GON4L: variants seen among roughly 807,000 people sequenced by gnomAD.
GON4L encodes GON-4-like protein.
A neutral mutation model predicts 211.8 loss-of-function variants in GON4L; 87 were observed. That is an observed-to-expected ratio of 0.41 (90% CI 0.35 to 0.49). GON4L has a LOEUF of 0.49. Ranked by LOEUF, GON4L falls within the 20% of genes least tolerant of loss-of-function variation. The pLI, the probability that GON4L is intolerant of heterozygous loss-of-function variation, is 0.15. For synonymous variants in GON4L, 875 were observed against 962.6 expected (o/e 0.91, Z 1.68); for missense variants, 2,155 against 2,659.5 (o/e 0.81, Z 4.17).
chr1:155,816,036 A>T (rs1668209811), intron 7 of GON4L, 136 bp from the exon 8 acceptor site: 1 of 716,634 alleles, frequency 1.4e-6, no homozygotes, highest in African/African-American at 1.8e-5. Flanking sequence ...AAATAACACG[A>T]GGCAGAGGTT....
chr1:155,843,951 C>T (rs933802044), intron 2 of GON4L, among the ~76,000 whole-genome samples: 4 of 152,170 alleles, frequency 2.6e-5, no homozygotes, highest in Non-Finnish European at 4.4e-5. Context: ...ACCATTTATT[C>T]TTCTAGGAAT....
chr1:155,769,846 G>C (rs532300819), intron 19 of GON4L, among the ~76,000 whole-genome samples: 1 of 151,884 alleles, frequency 6.6e-6, no homozygotes, highest in African/African-American at 2.4e-5. Flanking sequence ...GTTTGTGGTG[G>C]GAGTAAGGGA....
chr1:155,826,887 AAC>A lies in GON4L; in HGVS notation c.645_646del (p.Phe216SerfsTer4). ...TTCTATCTCTTCCTCAGGTTGGTGA[AAC>A]AGAGTCCTGAGTGGCTTTTCTTGAG... is the stretch of plus-strand genomic sequence containing the variant. On this transcript the variant is annotated frameshift_variant, in exon 3 of 32. Coordinates refer to ENST00000368331, the MANE Select transcript of GON4L (RefSeq NM_001282860.2). LOFTEE classifies it high-confidence loss of function. 1 of 1,613,670 alleles carries A rather than the reference AAC, an allele frequency of 6.2e-7. No homozygotes were observed. The highest frequency in any genetic ancestry group is 8.5e-7 in the Non-Finnish European group (1 of 1,179,586).
At chr1:155,787,954 CA>C (rs1432798179) in intron 12 of GON4L, among the ~76,000 whole-genome samples, 5 of 151,900 alleles carry the variant, frequency 3.3e-5, no homozygotes, top group African/African-American at 1.2e-4. Context: ...AAACACAAAA[CA>C]AAAACAAAAA....
chr1:155,751,690 C>T lies in GON4L; in HGVS notation c.6576+77G>A. ...ACTTATTATCTTGGATATCAAAACT[C>T]CTTCTTTGGCCTTTCTGTCTGTTAG... On this transcript the variant is annotated intron_variant, in intron 31 of 31. Coordinates refer to ENST00000368331, the MANE Select transcript of GON4L (RefSeq NM_001282860.2). 3 of 958,978 alleles carry T rather than the reference C, an allele frequency of 3.1e-6. No homozygotes were observed. The East Asian group carries it at 7.7e-5, about 25-fold the overall frequency. The allele number at this position is 958,978 out of a possible 1,614,324, so 59.4% of individuals were successfully genotyped here. A position where few individuals can be genotyped will look rare whatever the true frequency, so the allele number is the denominator to read the frequency against.
intron 2 of GON4L, chr1:155,846,615 A>G (rs1214481048): frequency 6.6e-6 from 1 of 152,162 alleles, no homozygotes; most frequent in African/African-American, 2.4e-5. Context: ...TGATATAAAG[A>G]GAAAATGTAA....
At position 155,771,196 on chromosome 1, in the gene GON4L, C is replaced by T. The variant is rs1241189430; in HGVS notation, c.2517G>A (p.Lys839=). 1.9e-6 allele frequency: 3 copies of T among 1,614,178 alleles called. No homozygotes were observed. Among genetic ancestry groups the T allele is most frequent in the Non-Finnish European group, 1.7e-6 (2 of 1,180,014 alleles). Reference sequence around the variant, plus strand: ...TAGGAAACTCAGTTCCTTCAAAATGCTTCAGTCCTAAAGCTAACAAACTGA... The same window carrying T: ...TAGGAAACTCAGTTCCTTCAAAATGTTTCAGTCCTAAAGCTAACAAACTGA... The part of the protein sequence containing the change: ...AEDNLLALGL[K]HFEGTEFPNP... The change falls in exon 19 of 32, where the codon AAG becomes AAA. Residue 839 remains lysine, a synonymous_variant. Transcript: ENST00000368331.
At chr1:155,764,246 G>T (rs1419086528) in intron 21 of GON4L, among the ~76,000 whole-genome samples, 1 of 151,692 alleles carries the variant, frequency 6.6e-6, no homozygotes, top group Non-Finnish European at 1.5e-5. Flanking sequence ...AACTTCCTGA[G>T]TAGCTGGGAT....
chr1:155,813,605 T>C (rs1437893168), intron 10 of GON4L, 29 bp downstream of exon 10: 2 of 1,545,382 alleles, frequency 1.3e-6, no homozygotes, highest in Non-Finnish European at 8.9e-7. Context: ...CACTTGACTT[T>C]CTCAGTTAAG....
At chr1:155,786,345 G>A (rs895703133) in intron 12 of GON4L, among the ~76,000 whole-genome samples, 1 of 152,022 alleles carries the variant, frequency 6.6e-6, no homozygotes, top group African/African-American at 2.4e-5. Flanking sequence ...CTCCTAGCCT[G>A]GGCAAAATGT....
At chr1:155,812,893 T>C (rs1464978438) in intron 10 of GON4L, among the ~76,000 whole-genome samples, 2 of 152,124 alleles carry the variant, frequency 1.3e-5, no homozygotes, top group African/African-American at 4.8e-5. Context: ...TATACTGTGT[T>C]AATACAAGAT....
At chr1:155,831,839 G>A (rs749467811) in intron 2 of GON4L, among the ~76,000 whole-genome samples, 18 of 151,990 alleles carry the variant, frequency 1.2e-4, no homozygotes, top group South Asian at 4.2e-4. Flanking sequence ...AGCTATGATC[G>A]TACCACTGGA....
At chr1:155,789,529 T>C (rs1665307587) in intron 12 of GON4L, among the ~76,000 whole-genome samples, 1 of 151,698 alleles carries the variant, frequency 6.6e-6, no homozygotes, top group African/African-American at 2.4e-5. Context: ...TAATCTCAGC[T>C]GGTCAGGAGG....
rs145605788 is a variant in GON4L, at chr1:155,766,357, A to T, written c.3116T>A (p.Ile1039Asn). The T allele has an allele frequency of 3.1e-6, 5 of 1,613,950 alleles. No individual in the cohort carries two copies. Among genetic ancestry groups the T allele is most frequent in the Admixed American group, 3.3e-5 (2 of 59,984 alleles). Residue 1039 changes from isoleucine (I) to asparagine (N), a missense_variant, in exon 21 of 32, where the codon ATT becomes AAT. Transcript: ENST00000368331. ...EAPPSKMVLRIPHPIQPATVL... is the reference protein window; with the variant it reads ...EAPPSKMVLRNPHPIQPATVL... The stretch of plus-strand genomic sequence containing the variant: ...AGTGGCTGGCTGTATTGGGTGAGGA[A>T]TCCGGAGCACCATTTTGCTCGGAGG...
intron 2 of GON4L, 76 bp downstream of exon 2, chr1:155,853,200 C>T (rs756474967): frequency 5.9e-6 from 7 of 1,195,624 alleles, no homozygotes; most frequent in Non-Finnish European, 8.8e-6. Flanking sequence ...AAATACTACT[C>T]TGTAAAGGTA....
chr1:155,805,843 C>T (rs990871256), intron 10 of GON4L, among the ~76,000 whole-genome samples: 6 of 151,668 alleles, frequency 4.0e-5, no homozygotes, highest in East Asian at 1.9e-4. Context: ...GCACCAGCCA[C>T]GACATCTGAC....
At chr1:155,852,216 C>T (rs1172275667) in intron 2 of GON4L, among the ~76,000 whole-genome samples, 1 of 150,478 alleles carries the variant, frequency 6.6e-6, no homozygotes, top group Non-Finnish European at 1.5e-5. Flanking sequence ...TTCCAAGCAA[C>T]CATGTCACCA....
Position 155,765,606 on chromosome 1 carries a change from G to T in GON4L, c.3867C>A (p.Arg1289=). ...QEGLSENSAC[R]WTVVKTEEGR... ...CCTCCTCTGTTTTCACAACGGTCCA[G>T]CGACAGGCACTATTCTCTGACAATC... The change falls in exon 21 of 32, where the codon CGC becomes CGA. Residue 1289 remains arginine, a synonymous_variant. Coordinates refer to ENST00000368331, the MANE Select transcript of GON4L (RefSeq NM_001282860.2). The T allele has an allele frequency of 1.9e-6, 3 of 1,614,182 alleles. No homozygotes were observed. The highest frequency in any genetic ancestry group is 2.5e-6 in the Non-Finnish European group (3 of 1,180,036).
At chr1:155,793,281 T>C (rs886404166) in intron 12 of GON4L, among the ~76,000 whole-genome samples, 1 of 152,214 alleles carries the variant, frequency 6.6e-6, no homozygotes, top group African/African-American at 2.4e-5. Context: ...AAGGAAATGG[T>C]ATTCTAATCT....
Sources: gnomAD v4.1 joint callset for allele counts (sites outside exome capture counted in the v4.1 genomes callset) on GRCh38, gnomAD v4.1.1 for gene constraint, MANE v1.5 for transcripts, NCBI Gene and HGNC (gene_info 2026-07-23, HGNC 2026-07-21) for gene names.